OTOA: variants seen among roughly 807,000 people sequenced by gnomAD.
OTOA encodes the protein otoancorin, also known as cancer/testis antigen 108.
Under a neutral mutation model 110.8 loss-of-function variants are expected in OTOA, and 70 were observed. The ratio of observed to expected loss-of-function variants is 0.63; its 90% CI spans 0.52 to 0.77. The LOEUF is 0.77. Among genes scored for constraint, OTOA ranks in the 30% least tolerant of loss-of-function variants. OTOA has a pLI of 0.00. For missense variants in OTOA, 917 were observed against 1,075.8 expected (o/e 0.85, Z 2.06); for synonymous variants, 373 against 431.5 (o/e 0.86, Z 1.68).
intron 1 of OTOA, among the ~76,000 whole-genome samples, chr16:21,677,963 T>G (rs541097963): frequency 2.5e-4 from 38 of 152,252 alleles, no homozygotes; most frequent in African/African-American, 8.9e-4. Flanking sequence ...CTTGGCTCAC[T>G]GCAACCTCTA....
chr16:21,691,425 C>A (rs576123839), intron 8 of OTOA, among the ~76,000 whole-genome samples, 159 bp from the exon 9 acceptor site: 40 of 152,290 alleles, frequency 2.6e-4, no homozygotes, highest in East Asian at 2.3e-3. Context: ...AATTTACATT[C>A]CAACCAACAG....
intron 15 of OTOA, 42 bp from the exon 16 acceptor site, chr16:21,719,091 C>T: frequency 6.3e-7 from 1 of 1,584,492 alleles, no homozygotes; most frequent in Non-Finnish European, 8.7e-7. Context: ...TGGGCACACG[C>T]TGAGTGTGCC....
At chr16:21,668,513 T>G (rs1253849954) in intron 1 of OTOA, among the ~76,000 whole-genome samples, 6 of 146,148 alleles carry the variant, frequency 4.1e-5, no homozygotes, top group African/African-American at 1.5e-4. Flanking sequence ...CAGGTTGGAG[T>G]GCAATGGGAT....
intron 21 of OTOA, among the ~76,000 whole-genome samples, chr16:21,732,061 G>A (rs1899132955): frequency 6.6e-6 from 1 of 151,930 alleles, no homozygotes; most frequent in African/African-American, 2.4e-5. Context: ...TGCTTCCTGG[G>A]TTCAAGTGAT....
chr16:21,730,645 A>G, intron 20 of OTOA, 192 bp from the exon 21 acceptor site: 1 of 543,666 alleles, frequency 1.8e-6, no homozygotes, highest in Non-Finnish European at 3.5e-6. Flanking sequence ...TAGTTCCATC[A>G]AAACTCCCAG....
chr16:21,664,735 G>T lies in OTOA; in HGVS notation c.-5+503G>T, dbSNP rs528511946. On this transcript the variant is annotated intron_variant, in intron 1 of 28. Transcript: ENST00000646100. ...ACCTGTAATCCCAGCACTTTGGGAGGCTGAGGCAGGAGAATCACTTGAGGC... is the reference window on the plus strand; with the variant it reads ...ACCTGTAATCCCAGCACTTTGGGAGTCTGAGGCAGGAGAATCACTTGAGGC... Among the ~76,000 whole-genome samples, 363 of 152,204 alleles carry T rather than the reference G, an allele frequency of 2.4e-3. 1 individual carries two copies. The highest frequency in any genetic ancestry group is 8.4e-3 in the African/African-American group (348 of 41,518).
chr16:21,687,387 G>C, intron 7 of OTOA, 26 bp from the exon 8 acceptor site: 1 of 1,604,500 alleles, frequency 6.2e-7, no homozygotes, highest in Non-Finnish European at 8.5e-7. Flanking sequence ...CTCTCAAACT[G>C]ACCCTGGCTT....
intron 6 of OTOA, among the ~76,000 whole-genome samples, chr16:21,683,388 T>A (rs1453361226): frequency 6.6e-6 from 1 of 152,148 alleles, no homozygotes; most frequent in Non-Finnish European, 1.5e-5. Context: ...TGTTGCTGAT[T>A]TAGCAAATAA....
At chr16:21,684,349 A>G (rs1224769560) in intron 6 of OTOA, 2 of 1,382,366 alleles carry the variant, frequency 1.4e-6, no homozygotes, top group Non-Finnish European at 1.9e-6. Context: ...AATTCCCCAG[A>G]CAGCAGAGGA....
intron 5 of OTOA, among the ~76,000 whole-genome samples, chr16:21,680,445 C>T (rs1966879962): frequency 6.6e-6 from 1 of 152,088 alleles, no homozygotes; most frequent in Non-Finnish European, 1.5e-5. Context: ...ACGCGGGAGG[C>T]TGAGGTTGTG....
At chr16:21,724,371 C>T (rs988500688) in intron 18 of OTOA, among the ~76,000 whole-genome samples, 30 of 152,008 alleles carry the variant, frequency 2.0e-4, no homozygotes, top group Non-Finnish European at 1.0e-4. Flanking sequence ...TGGGGATGTC[C>T]GGTTCAGCAG....
intron 12 of OTOA, among the ~76,000 whole-genome samples, chr16:21,707,278 G>A (rs1446659688): frequency 6.6e-6 from 1 of 151,858 alleles, no homozygotes; most frequent in Admixed American, 6.6e-5. Context: ...TGGCAGCCCT[G>A]ACCAAGGAGA....
rs77499437 is a variant in OTOA, at chr16:21,670,739, C to G, written c.-5+6507C>G. ...ACACAAACATAAATATGTATTATAG[C>G]TGTGCTTGGTGCTATAAAAGAGAAG... On this transcript the variant is annotated intron_variant, in intron 1 of 28. Transcript: ENST00000646100. Among the ~76,000 whole-genome samples, 1,340 of 152,230 alleles carry G rather than the reference C, an allele frequency of 8.8e-3. 49 individuals are homozygous for G. The highest frequency in any genetic ancestry group is 0.081 in the East Asian group (418 of 5,184).
At chr16:21,703,857 A>G (rs1027882143) in intron 11 of OTOA, among the ~76,000 whole-genome samples, 2 of 152,136 alleles carry the variant, frequency 1.3e-5, no homozygotes, top group African/African-American at 4.8e-5. Flanking sequence ...TTGGTATACC[A>G]CTTCTCATTT....
chr16:21,713,138 A>AT (rs1483044238), intron 13 of OTOA, among the ~76,000 whole-genome samples: 1 of 151,690 alleles, frequency 6.6e-6, no homozygotes, highest in Non-Finnish European at 1.5e-5. Context: ...TGATTTTTGT[A>AT]TTTTTTTGTA....
At chr16:21,722,688 T>C (rs531457646) in intron 17 of OTOA, among the ~76,000 whole-genome samples, 5 of 152,320 alleles carry the variant, frequency 3.3e-5, no homozygotes, top group East Asian at 1.9e-4. Context: ...AAAATTGCGA[T>C]GAGCATTCTC....
intron 10 of OTOA, among the ~76,000 whole-genome samples, chr16:21,699,625 A>G (rs2141674409): frequency 6.6e-6 from 1 of 152,100 alleles, no homozygotes; most frequent in African/African-American, 2.4e-5. Context: ...TAAAAGAGTG[A>G]GACTGTGTCT....
chr16:21,749,606 T>C (rs1899759675), intron 24 of OTOA, among the ~76,000 whole-genome samples: 3 of 140,990 alleles, frequency 2.1e-5, no homozygotes, highest in Non-Finnish European at 4.5e-5. Flanking sequence ...CACTTAGGGG[T>C]CTCTCCTTGG....
At chr16:21,717,968 A>AT (rs1898608045) in intron 15 of OTOA, among the ~76,000 whole-genome samples, 1 of 151,952 alleles carries the variant, frequency 6.6e-6, no homozygotes, top group Non-Finnish European at 1.5e-5. Context: ...ATTCTGTTTT[A>AT]TTTTTTGAGA....
Sources: allele counts gnomAD v4.1 joint callset (sites outside exome capture counted in the v4.1 genomes callset), GRCh38; gene constraint gnomAD v4.1.1; transcripts MANE v1.5; gene names NCBI Gene and HGNC (gene_info 2026-07-23, HGNC 2026-07-21).